FAT4: variants seen among roughly 807,000 people sequenced by gnomAD.
FAT4 encodes FAT atypical cadherin 4, also known as protocadherin Fat 4.
A neutral mutation model predicts 303.9 loss-of-function variants in FAT4; 84 were observed. That is an observed-to-expected ratio of 0.28 (90% confidence interval 0.23 to 0.33). The LOEUF (loss-of-function observed/expected upper bound fraction) is 0.33. FAT4 is among the 10% of genes least tolerant of loss of function. FAT4 has a pLI of 1.00. For missense variants in FAT4, 6,005 were observed against 6,146.8 expected, an observed-to-expected ratio of 0.98 and a Z score of 0.77; for synonymous variants, 2,307 against 2,298.8, an observed-to-expected ratio of 1.00 and a Z score of -0.10.
At chr4:125,356,104 G>A (rs995893838) in intron 2 of FAT4, among the ~76,000 whole-genome samples, 1 of 152,000 alleles carries the variant, frequency 6.6e-6, no homozygotes. Flanking sequence ...ATTTCAAAGA[G>A]GAAAGAAGCA....
At chr4:125,329,592 T>TC (rs1212496458) in intron 2 of FAT4, among the ~76,000 whole-genome samples, 2 of 152,188 alleles carry the variant, frequency 1.3e-5, no homozygotes, top group African/African-American at 4.8e-5. Flanking sequence ...GATCTCAATC[T>TC]CATAGCATTA....
At chr4:125,477,953 A>G (rs969082895) in intron 14 of FAT4, among the ~76,000 whole-genome samples, 69 of 152,286 alleles carry the variant, frequency 4.5e-4, no homozygotes, top group African/African-American at 1.7e-3. Flanking sequence ...CCTATAATCT[A>G]ACCACCCAGA....
chr4:125,359,849 T>C (rs1732583680), intron 2 of FAT4, among the ~76,000 whole-genome samples: 1 of 152,160 alleles, frequency 6.6e-6, no homozygotes, highest in Admixed American at 6.6e-5. Flanking sequence ...ATTTCTTGCC[T>C]GTTTAAATTT....
At chr4:125,342,144 A>G (rs774340785) in intron 2 of FAT4, among the ~76,000 whole-genome samples, 14 of 151,986 alleles carry the variant, frequency 9.2e-5, no homozygotes, top group Non-Finnish European at 1.9e-4. Flanking sequence ...GCATAAGTTT[A>G]TGATTATCCC....
rs1221903740 is a variant in FAT4, at chr4:125,450,733, C to A, written c.9723C>A (p.Asp3241Glu). The A allele has an allele frequency of 6.2e-7, 1 of 1,614,092 alleles. No homozygotes were observed. The highest frequency in any genetic ancestry group is 1.1e-5 in the South Asian group (1 of 91,084). The part of the protein sequence containing the change: ...IAYTVQSSDS[D>E]LFVIDPNTGV... ...ATACTGTACAGTCATCTGACAGTGA[C>A]CTCTTTGTCATTGACCCTAACACAG... Residue 3241 changes from aspartate (D) to glutamate (E), a missense_variant, in exon 10 of 18, where the codon GAC becomes GAA. Transcript: ENST00000394329.
chr4:125,443,707 T>G (rs766872170), intron 8 of FAT4, among the ~76,000 whole-genome samples: 2 of 152,160 alleles, frequency 1.3e-5, no homozygotes, highest in African/African-American at 4.8e-5. Context: ...ACAGCATAAA[T>G]GTTTAACTGT....
At chr4:125,352,197 A>G (rs57643885) in intron 2 of FAT4, among the ~76,000 whole-genome samples, 6,453 of 151,700 alleles carry the variant, frequency 0.043, 415 homozygotes, top group African/African-American at 0.14. Flanking sequence ...TAAATAGAAT[A>G]TAGCTCTAAG....
At chr4:125,380,886 G>A (rs1175820517) in intron 2 of FAT4, among the ~76,000 whole-genome samples, 3 of 152,034 alleles carry the variant, frequency 2.0e-5, no homozygotes, top group Non-Finnish European at 2.9e-5. Flanking sequence ...ATATTTCAGG[G>A]CAGGAAAACC....
intron 2 of FAT4, among the ~76,000 whole-genome samples, chr4:125,331,855 G>A (rs889746971): frequency 2.6e-5 from 4 of 151,970 alleles, no homozygotes; most frequent in South Asian, 2.1e-4. Flanking sequence ...ATTTTAACAC[G>A]CAGCAAAGAA....
At chr4:125,369,781 C>G (rs1028724285) in intron 2 of FAT4, among the ~76,000 whole-genome samples, 1 of 152,160 alleles carries the variant, frequency 6.6e-6, no homozygotes, top group Non-Finnish European at 1.5e-5. Flanking sequence ...TCCATTTCCT[C>G]CAATCGGCAA....
At chr4:125,404,666 A>G (rs1344755638) in intron 3 of FAT4, among the ~76,000 whole-genome samples, 4 of 152,162 alleles carry the variant, frequency 2.6e-5, no homozygotes, top group African/African-American at 9.7e-5. Context: ...TGTACAGTAG[A>G]TCTAGAAATT....
At chr4:125,487,163 A>G (rs1186290660) in intron 16 of FAT4, among the ~76,000 whole-genome samples, 182 bp from the exon 17 acceptor site, 4 of 152,238 alleles carry the variant, frequency 2.6e-5, no homozygotes, top group Non-Finnish European at 1.5e-5. Context: ...TGAAACTTAA[A>G]TGTAAAAGTA....
chr4:125,408,434 C>A lies in FAT4; in HGVS notation c.5570-10C>A, dbSNP rs761178865. 34 of 1,534,504 alleles carry A rather than the reference C, an allele frequency of 2.2e-5. No homozygotes were observed. Among genetic ancestry groups the A allele is most frequent in the Non-Finnish European group, 2.6e-5 (30 of 1,132,968 alleles). ...CTTGATTTTATACTATTAATTTATTCTTTTGATAGGTTCTTTGGTAGCAGC... is the reference window on the plus strand; with the variant it reads ...CTTGATTTTATACTATTAATTTATTATTTTGATAGGTTCTTTGGTAGCAGC... On this transcript the variant is annotated splice_polypyrimidine_tract_variant and intron_variant, in intron 4 of 17. Coordinates refer to ENST00000394329, the MANE Select transcript of FAT4 (RefSeq NM_001291303.3).
Position 125,451,688 on chromosome 4 carries a change from T to C in FAT4, c.10678T>C (p.Phe3560Leu). 6.2e-7 allele frequency: 1 copy of C among 1,614,106 alleles called. No homozygotes were observed. Among genetic ancestry groups the C allele is most frequent in the Non-Finnish European group, 8.5e-7 (1 of 1,179,996 alleles). The change falls in exon 10 of 18, where the codon TTC (phenylalanine) becomes CTC (leucine). Residue 3560 changes from phenylalanine (F) to leucine (L), a missense_variant. Coordinates refer to ENST00000394329, the MANE Select transcript of FAT4 (RefSeq NM_001291303.3). ...GAGCACAGGTCCTGCCACCAGTTAT[T>C]TCAGTCTGAGCACTGCTGGAGTTCT... ...LLSTGPATSYFSLSTAGVLST... is the reference protein window; with the variant it reads ...LLSTGPATSYLSLSTAGVLST...
intron 3 of FAT4, 30 bp from the exon 4 acceptor site, chr4:125,406,850 A>G (rs1462359496): frequency 6.2e-7 from 1 of 1,603,892 alleles, no homozygotes; most frequent in Non-Finnish European, 8.5e-7. Flanking sequence ...TCTACTTCCA[A>G]TAGCTCAGAT....
intron 9 of FAT4, among the ~76,000 whole-genome samples, chr4:125,447,429 C>T (rs1041777336): frequency 9.2e-5 from 14 of 152,036 alleles, no homozygotes; most frequent in African/African-American, 3.4e-4. Context: ...TATGTGCCAA[C>T]TTTCTATCAA....
Position 125,452,381 on chromosome 4 carries a change from A to C in FAT4, c.11371A>C (p.Ile3791Leu), listed in dbSNP as rs1726122065. The change falls in exon 10 of 18, where the codon ATC becomes CTC. Residue 3791 changes from isoleucine to leucine, a missense_variant. Coordinates refer to ENST00000394329, the MANE Select transcript of FAT4 (RefSeq NM_001291303.3). ...VATFFESIKEILLRQSGVKVE... is the reference protein window; with the variant it reads ...VATFFESIKELLLRQSGVKVE... ...CACCTTCTTTGAAAGCATCAAAGAG[A>C]TCCTTCTCCGGCAGAGTGGAGTAAA... 6.2e-7 allele frequency: 1 copy of C among 1,614,068 alleles called. No individual in the cohort carries two copies. The highest frequency in any genetic ancestry group is 1.3e-5 in the African/African-American group (1 of 74,934).
intron 2 of FAT4, among the ~76,000 whole-genome samples, chr4:125,389,326 A>T (rs1311080288): frequency 6.6e-6 from 1 of 152,152 alleles, no homozygotes; most frequent in East Asian, 1.9e-4. Flanking sequence ...TTCATCAAAT[A>T]TTACCATTAT....
chr4:125,471,875 C>A (rs1178544911), intron 12 of FAT4, among the ~76,000 whole-genome samples: 1 of 106,252 alleles, frequency 9.4e-6, no homozygotes, highest in East Asian at 2.7e-4. Flanking sequence ...CACAGTGAAA[C>A]CCTGTCTCTA....
Sources: gnomAD v4.1 joint callset for allele counts (sites outside exome capture counted in the v4.1 genomes callset) on GRCh38, gnomAD v4.1.1 for gene constraint, MANE v1.5 for transcripts, NCBI Gene and HGNC (gene_info 2026-07-23, HGNC 2026-07-21) for gene names.